Variants in HCFC2 observed in about 807,000 individuals in gnomAD.
HCFC2 encodes the protein host cell factor 2.
Under a neutral mutation model 89.2 loss-of-function variants are expected in HCFC2, and 18 were observed. The observed-to-expected ratio is 0.20, with a 90% CI of 0.14 to 0.30. The LOEUF is 0.30. Among genes scored for constraint, HCFC2 ranks in the 10% least tolerant of loss-of-function variants. HCFC2 has a pLI of 1.00. For missense variants in HCFC2, 578 were observed against 956.1 expected, an observed-to-expected ratio of 0.60 and a Z score of 5.21; for synonymous variants, 308 against 335.7, an observed-to-expected ratio of 0.92 and a Z score of 0.90.
rs767392315 is a variant in HCFC2 at position 104,095,326 on chromosome 12, CA to C, written c.1463-33del. 2 of 1,472,054 alleles carry C rather than the reference CA, an allele frequency of 1.4e-6. No individual in the cohort carries two copies. The highest frequency in any genetic ancestry group is 9.5e-7 in the Non-Finnish European group (1 of 1,053,802). 91.2% of individuals were successfully genotyped at this position (1,472,054 alleles called of 1,614,324 possible). On this transcript the variant is annotated intron_variant, in intron 10 of 14. Transcript: ENST00000229330. This position sits in a 1 kb window ranked among gnomAD's most constrained non-coding sequence, Gnocchi z 4.2. ...AGACACAACAATTATCTGCAGATAT[CA>C]TATTAATAATTACCTTTTCCCTTTT...
chr12:104,090,259 A>AT (rs1274001890), intron 9 of HCFC2, among the ~76,000 whole-genome samples: 4 of 152,122 alleles, frequency 2.6e-5, no homozygotes, highest in African/African-American at 7.2e-5. Context: ...ATTTATAGGC[A>AT]TTTTTTCTAG....
chr12:104,068,832 G>T lies in HCFC2; in HGVS notation c.473+725G>T, dbSNP rs1883228307. 6.6e-6 allele frequency among the ~76,000 whole-genome samples: 1 copy of T among 151,238 alleles called. No individual in the cohort carries two copies. ...TCTGCAAAGAATTCCTCTTTCCTTT[G>T]GGGAACTATACTGTTCCATGTAGTT... On this transcript the variant is annotated intron_variant, in intron 3 of 14. Transcript: ENST00000229330. The surrounding 1 kb of genome is among the most constrained non-coding windows in gnomAD (Gnocchi z 4.1).
intron 12 of HCFC2, among the ~76,000 whole-genome samples, chr12:104,097,368 T>C (rs983634902): frequency 6.6e-6 from 1 of 152,150 alleles, no homozygotes; most frequent in Non-Finnish European, 1.5e-5. Flanking sequence ...TTTTTTTCTC[T>C]TGAGTCTGTT....
chr12:104,093,938 T>C (rs1884102880), intron 10 of HCFC2, among the ~76,000 whole-genome samples: 1 of 152,056 alleles, frequency 6.6e-6, no homozygotes, highest in African/African-American at 2.4e-5. Flanking sequence ...GTGGCTGAAA[T>C]GGAGAGGCGA....
intron 13 of HCFC2, 77 bp downstream of exon 13, chr12:104,098,557 A>G: frequency 7.3e-7 from 1 of 1,379,218 alleles, no homozygotes; most frequent in Non-Finnish European, 9.8e-7. Flanking sequence ...TAACTTAGGG[A>G]AAGGAAAAAA....
In HCFC2 at chr12:104,082,497, C is replaced by T. The variant is rs764871280; in HGVS notation, c.768-3C>T. ...TTTATGTTTTTGTTTTGTTGTTGCTCAGGATGTACATTTTTGGTGGATGGG... is the reference window on the plus strand; with the variant it reads ...TTTATGTTTTTGTTTTGTTGTTGCTTAGGATGTACATTTTTGGTGGATGGG... On this transcript the variant is annotated splice_polypyrimidine_tract_variant and splice_region_variant and intron_variant, in intron 5 of 14. Coordinates refer to ENST00000229330, the MANE Select transcript of HCFC2 (RefSeq NM_013320.3). The T allele has an allele frequency of 7.6e-6, 12 of 1,572,074 alleles. 1 individual carries two copies. In the South Asian group the frequency reaches 1.3e-4, roughly 17 times the overall value.
intron 9 of HCFC2, among the ~76,000 whole-genome samples, chr12:104,089,419 G>C (rs977295442): frequency 2.6e-5 from 4 of 152,148 alleles, no homozygotes; most frequent in Non-Finnish European, 5.9e-5. Context: ...GGGAGGCTGA[G>C]GCAGGAGAAT....
rs754043797 is a variant in HCFC2, at chr12:104,102,949, C to CG, written c.2065-10_2065-9insG. 5.7e-6 allele frequency: 9 copies of CG among 1,589,944 alleles called. No homozygotes were observed. The highest frequency in any genetic ancestry group is 1.7e-5 in the Admixed American group (1 of 58,012). ...GAACCTTTAACCTGTTTTTTCCCCC[C>CG]CCCTTCAAGAATGTTGAAGGTATCC... On this transcript the variant is annotated splice_polypyrimidine_tract_variant and intron_variant, in intron 14 of 14. Transcript: ENST00000229330.
chr12:104,073,434 A>G (rs1883399563), intron 3 of HCFC2, among the ~76,000 whole-genome samples: 1 of 152,110 alleles, frequency 6.6e-6, no homozygotes, highest in Non-Finnish European at 1.5e-5. Context: ...AAGTGCTGGG[A>G]TTACAAGCAT....
At chr12:104,101,191 A>G (rs2029925997) in intron 13 of HCFC2, among the ~76,000 whole-genome samples, 1 of 152,202 alleles carries the variant, frequency 6.6e-6, no homozygotes, top group Non-Finnish European at 1.5e-5. Context: ...TAATTTAAAA[A>G]ATGCTCTATA....
chr12:104,079,173 T>G (rs1883603604), intron 3 of HCFC2, among the ~76,000 whole-genome samples: 1 of 152,210 alleles, frequency 6.6e-6, no homozygotes, highest in African/African-American at 2.4e-5. Flanking sequence ...AGTTGGCAAG[T>G]TGTCATTGAT....
At position 104,104,818 on chromosome 12, in the gene HCFC2, C is replaced by T. The variant is rs1429772850; in HGVS notation, c.*1545C>T. 6.6e-6 allele frequency: 1 copy of T among 151,974 alleles called. No homozygotes were observed. Among genetic ancestry groups the T allele is most frequent in the Non-Finnish European group, 1.5e-5 (1 of 67,874 alleles). The allele number at this position is 151,974 out of a possible 1,614,324, so 9.4% of individuals were successfully genotyped here. On this transcript the variant is annotated 3_prime_UTR_variant, in exon 15 of 15. Coordinates refer to ENST00000229330, the MANE Select transcript of HCFC2 (RefSeq NM_013320.3). Reference sequence around the variant, plus strand: ...AGACACATAATGAGTGGTTTCCAAACTCTAAAGATAAAATAAATGCACTAC... The same window carrying T: ...AGACACATAATGAGTGGTTTCCAAATTCTAAAGATAAAATAAATGCACTAC...
chr12:104,087,339 C>G (rs1278418018), intron 8 of HCFC2, among the ~76,000 whole-genome samples: 1 of 118,796 alleles, frequency 8.4e-6, no homozygotes, highest in Non-Finnish European at 1.7e-5. Context: ...GGGCAACAAG[C>G]AAGACTCTGT....
At chr12:104,071,524 C>T (rs1009119985) in intron 3 of HCFC2, among the ~76,000 whole-genome samples, 2 of 152,226 alleles carry the variant, frequency 1.3e-5, no homozygotes, top group Non-Finnish European at 2.9e-5. Context: ...ACTGTGCCTA[C>T]GGGGAAAGAA....
chr12:104,081,943 A>G (rs1163192457), intron 5 of HCFC2, among the ~76,000 whole-genome samples: 2 of 152,002 alleles, frequency 1.3e-5, no homozygotes, highest in East Asian at 3.8e-4. Context: ...TTGGCATAAA[A>G]AAAAAAATAG....
Position 104,083,001 on chromosome 12 carries a change from C to T in HCFC2, c.1063+100C>T, listed in dbSNP as rs1054083895. On this transcript the variant is annotated intron_variant, in intron 7 of 14. Coordinates refer to ENST00000229330, the MANE Select transcript of HCFC2 (RefSeq NM_013320.3). Reference sequence around the variant, plus strand: ...GTAAATGCTACTACCTCTTGTTTCCCATAATTAAGTATGAATGGAAGAAAC... The same window carrying T: ...GTAAATGCTACTACCTCTTGTTTCCTATAATTAAGTATGAATGGAAGAAAC... 1.1e-5 allele frequency: 9 copies of T among 791,712 alleles called. No homozygotes were observed. The African/African-American group carries it at 1.2e-4, about 11-fold the overall frequency. 49.0% of individuals were successfully genotyped at this position (791,712 alleles called of 1,614,324 possible). A position where few individuals can be genotyped will look rare whatever the true frequency, so the allele number is the denominator to read the frequency against.
Position 104,095,464 on chromosome 12 carries a change from A to G in HCFC2, c.1567A>G (p.Met523Val), listed in dbSNP as rs988199714. 6.2e-7 allele frequency: 1 copy of G among 1,613,822 alleles called. No individual in the cohort carries two copies. Among genetic ancestry groups the G allele is most frequent in the South Asian group, 1.1e-5 (1 of 91,072 alleles). The change falls in exon 11 of 15, where the codon ATG becomes GTG. Residue 523 changes from methionine to valine, a missense_variant. By Grantham distance (21) the Met-to-Val change is conservative (BLOSUM62 1). Around this residue, in one of 4 missense-constraint regions of HCFC2, gnomAD observed 210 missense variants for 251.7 expected, o/e 0.83. Coordinates refer to ENST00000229330, the MANE Select transcript of HCFC2 (RefSeq NM_013320.3). This position sits in a 1 kb window ranked among gnomAD's most constrained non-coding sequence, Gnocchi z 4.2. Reference protein sequence around the residue: ...VSSTVSSTQTMVTQQTIKTES... With the variant: ...VSSTVSSTQTVVTQQTIKTES... ...CAGTACTGTTTCCAGCACACAAACT[A>G]TGGTAACCCAGCAGACCATTAAAAC...
At chr12:104,077,837 C>G (rs1235869066) in intron 3 of HCFC2, among the ~76,000 whole-genome samples, 2 of 151,750 alleles carry the variant, frequency 1.3e-5, no homozygotes, top group Non-Finnish European at 2.9e-5. Flanking sequence ...ATTTTTGAAT[C>G]TTATTCCAGG....
chr12:104,087,079 G>A, intron 8 of HCFC2, 65 bp downstream of exon 8: 2 of 1,517,756 alleles, frequency 1.3e-6, no homozygotes, highest in Non-Finnish European at 1.8e-6. Context: ...TACTGGCCGG[G>A]CGCGGTGGCT....
Sources: gnomAD v4.1 joint callset for allele counts (sites outside exome capture counted in the v4.1 genomes callset) on GRCh38, gnomAD v4.1.1 for gene constraint, gnomAD v4.1.1 regional missense constraint, Gnocchi (gnomAD v3.1) non-coding constraint, MANE v1.5 for transcripts, NCBI Gene and HGNC (gene_info 2026-07-23, HGNC 2026-07-21) for gene names.